The following FOXP2 variants were observed in gnomAD, a reference collection of about 807,000 sequenced individuals.
FOXP2 encodes the protein forkhead box P2, also known as forkhead box protein P2.
A neutral mutation model predicts 115.8 loss-of-function variants in FOXP2; 12 were observed. That is an observed-to-expected ratio of 0.10 (90% CI 0.07 to 0.17). The LOEUF (loss-of-function observed/expected upper bound fraction) is 0.17. FOXP2 is among the 10% of genes least tolerant of loss of function. The probability of loss-of-function intolerance (pLI) is 1.00; values close to 1 mark genes in which losing one functional copy is unlikely to be tolerated. For missense variants in FOXP2, 629 were observed against 843.5 expected, an observed-to-expected ratio of 0.75 and a Z score of 3.15; for synonymous variants, 328 against 297.7, an observed-to-expected ratio of 1.10 and a Z score of -1.05.
At chr7:114,293,790 C>A (rs1219283419) in intron 2 of FOXP2, among the ~76,000 whole-genome samples, 1 of 152,140 alleles carries the variant, frequency 6.6e-6, no homozygotes, top group Non-Finnish European at 1.5e-5. Context: ...GCCTCCCCAG[C>A]CATGTGGAAC....
intron 2 of FOXP2, chr7:114,463,011 G>A: frequency 2.4e-6 from 1 of 413,260 alleles, no homozygotes; most frequent in Non-Finnish European, 4.8e-6. Context: ...TATATGCATT[G>A]TTGTATTTTT....
Position 114,397,180 on chromosome 7 carries a change from A to G in FOXP2, c.-10-29322A>G, listed in dbSNP as rs146375946. Reference sequence around the variant, plus strand: ...TTTCGGGTGGAGATTTATGTAAAATACTTTAAAATTTAAAAATTTAAAAGT... The same window carrying G: ...TTTCGGGTGGAGATTTATGTAAAATGCTTTAAAATTTAAAAATTTAAAAGT... On this transcript the variant is annotated intron_variant, in intron 2 of 17. Transcript: ENST00000634411. Among the ~76,000 whole-genome samples, 293 of 152,288 alleles carry G rather than the reference A, an allele frequency of 1.9e-3. 3 individuals carry two copies. Among genetic ancestry groups the G allele is most frequent in the African/African-American group, 6.8e-3 (282 of 41,584 alleles).
chr7:114,285,580 T>A (rs1796447604), intron 1 of FOXP2: 1 of 152,120 alleles, frequency 6.6e-6, no homozygotes, highest in Non-Finnish European at 1.5e-5. Flanking sequence ...TTTTGAAGAA[T>A]AACTTTATAA....
chr7:114,474,110 G>T (rs1796156952), intron 2 of FOXP2, among the ~76,000 whole-genome samples: 1 of 152,084 alleles, frequency 6.6e-6, no homozygotes, highest in Non-Finnish European at 1.5e-5. Flanking sequence ...TTCTATTTTA[G>T]AGATTGCATA....
At chr7:114,257,457 T>C (rs1428672730) in intron 1 of FOXP2, among the ~76,000 whole-genome samples, 8 of 144,232 alleles carry the variant, frequency 5.5e-5, no homozygotes, top group South Asian at 2.2e-4. Context: ...CTTTCTTTTT[T>C]TTTTTTTTTT....
intron 3 of FOXP2, among the ~76,000 whole-genome samples, chr7:114,573,536 A>G (rs765188402): frequency 6.6e-6 from 1 of 151,932 alleles, no homozygotes; most frequent in Non-Finnish European, 1.5e-5. Context: ...ACTAACATTT[A>G]TAATAAATTG....
chr7:114,594,252 C>T (rs967113736), intron 3 of FOXP2, among the ~76,000 whole-genome samples: 1 of 151,892 alleles, frequency 6.6e-6, no homozygotes, highest in Non-Finnish European at 1.5e-5. Flanking sequence ...AAAAAAATCC[C>T]AAGTTCACCT....
upstream of FOXP2, among the ~76,000 whole-genome samples, chr7:114,413,276 T>C (rs118108522): frequency 4.2e-3 from 642 of 152,186 alleles, 7 homozygotes; most frequent in Middle Eastern, 6.8e-3. Context: ...GGAGAAAAAA[T>C]TTTTAAATGA....
intron 16 of FOXP2, chr7:114,665,254 G>C (rs1807102863): frequency 6.6e-6 from 1 of 152,012 alleles, no homozygotes; most frequent in African/African-American, 2.4e-5. Flanking sequence ...TCAGAATTCA[G>C]AGGAAAAAAA....
intron 2 of FOXP2, among the ~76,000 whole-genome samples, chr7:114,401,841 C>A (rs1792894067): frequency 6.6e-6 from 1 of 152,186 alleles, no homozygotes; most frequent in Admixed American, 6.5e-5. Context: ...GATATAGAGG[C>A]CAGGCATGGT....
rs890428994 is a variant in FOXP2 at position 114,522,303 on chromosome 7, G to A, written c.169-12314G>A. On this transcript the variant is annotated intron_variant, in intron 2 of 16. Coordinates refer to ENST00000350908, the MANE Select transcript of FOXP2 (RefSeq NM_014491.4). ...CTTGTTAAAAAAACAGTGGATGAGG[G>A]AGAAACTTGTTTTTTCTACCAGCCT... is the stretch of plus-strand genomic sequence containing the variant. Among the ~76,000 whole-genome samples the A allele has an allele frequency of 6.6e-5, 10 of 152,042 alleles. No individual in the cohort carries two copies. In the South Asian group the frequency reaches 1.9e-3, roughly 28 times the overall value.
intron 1 of FOXP2, among the ~76,000 whole-genome samples, chr7:114,210,274 C>T (rs1273633326): frequency 6.6e-6 from 1 of 152,060 alleles, no homozygotes; most frequent in Non-Finnish European, 1.5e-5. Context: ...GGCTTATCTA[C>T]CTTTGATGTT....
intron 3 of FOXP2, among the ~76,000 whole-genome samples, chr7:114,590,819 C>T (rs1015923214): frequency 2.0e-5 from 3 of 152,010 alleles, no homozygotes; most frequent in Non-Finnish European, 4.4e-5. Flanking sequence ...ATATGATCAT[C>T]TGGACAAAGA....
Position 114,498,211 on chromosome 7 carries a change from A to T in FOXP2, c.169-36406A>T, listed in dbSNP as rs147834886. ...AAGACTGCAAATATAACTTATGTTT[A>T]TAAATTTAAAAATAACCATCAGGAA... On this transcript the variant is annotated intron_variant, in intron 2 of 16. Coordinates refer to ENST00000350908, the MANE Select transcript of FOXP2 (RefSeq NM_014491.4). 2.5e-3 allele frequency among the ~76,000 whole-genome samples: 378 copies of T among 152,336 alleles called. 2 individuals are homozygous for T. The highest frequency in any genetic ancestry group is 8.5e-3 in the African/African-American group (353 of 41,592).
intron 2 of FOXP2, among the ~76,000 whole-genome samples, chr7:114,370,527 A>G (rs1335422966): frequency 6.6e-6 from 1 of 152,194 alleles, no homozygotes; most frequent in African/African-American, 2.4e-5. Context: ...TGAGCCTGGC[A>G]AAGTGCTGCT....
At chr7:114,511,319 C>T (rs1278262211) in intron 2 of FOXP2, among the ~76,000 whole-genome samples, 2 of 152,018 alleles carry the variant, frequency 1.3e-5, no homozygotes, top group African/African-American at 2.4e-5. Context: ...CAAGCCTGCA[C>T]GTTCTGTACA....
intron 1 of FOXP2, among the ~76,000 whole-genome samples, chr7:114,101,602 C>T (rs1790958717): frequency 6.6e-6 from 1 of 152,030 alleles, no homozygotes; most frequent in African/African-American, 2.4e-5. Context: ...ATAACCTGCT[C>T]TAGAATTTTG....
At chr7:114,492,896 G>T (rs1481187920) in intron 2 of FOXP2, among the ~76,000 whole-genome samples, 2 of 152,160 alleles carry the variant, frequency 1.3e-5, no homozygotes, top group Non-Finnish European at 2.9e-5. Context: ...CTGTTGATTT[G>T]GGGTGGAGAG....
At chr7:114,530,180 A>G (rs1022217639) in intron 2 of FOXP2, among the ~76,000 whole-genome samples, 9 of 151,744 alleles carry the variant, frequency 5.9e-5, no homozygotes, top group African/African-American at 1.9e-4. Context: ...TTCTTGTATC[A>G]TATTTCTTCT....
Sources: allele counts gnomAD v4.1 joint callset (sites outside exome capture counted in the v4.1 genomes callset), GRCh38; gene constraint gnomAD v4.1.1; transcripts MANE v1.5; gene names NCBI Gene and HGNC (gene_info 2026-07-23, HGNC 2026-07-21).